The following SUPT3H variants were observed in gnomAD, a reference collection of about 807,000 sequenced individuals.
SUPT3H encodes SPT3 homolog, SAGA and STAGA complex component.
In SUPT3H, 44 loss-of-function variants were observed where a neutral mutation model predicts 44.3. The observed-to-expected ratio is 0.99, with a 90% confidence interval of 0.78 to 1.28. The LOEUF (loss-of-function observed/expected upper bound fraction) is 1.28, where lower values mean the gene tolerates loss of function less well. SUPT3H is among the 50% of genes most tolerant of loss of function. SUPT3H has a pLI of 0.00. For missense variants in SUPT3H, 380 were observed against 387.1 expected (o/e 0.98, Z 0.15); for synonymous variants, 124 against 125.6 (o/e 0.99, Z 0.09).
chr6:45,103,694 A>G (rs1798899431), intron 3 of SUPT3H, among the ~76,000 whole-genome samples: 1 of 152,164 alleles, frequency 6.6e-6, no homozygotes, highest in Admixed American at 6.5e-5. Context: ...CTTGTGAAAC[A>G]ATGTCAAATG....
rs1404505122 is a variant in SUPT3H at position 45,064,705 on chromosome 6, G to C, written c.186+41217C>G. On this transcript the variant is annotated intron_variant, in intron 3 of 10. Coordinates refer to ENST00000371459, the MANE Select transcript of SUPT3H (RefSeq NM_003599.4). The stretch of plus-strand genomic sequence containing the variant: ...CTTTAAACCAACAAAGATCAAAAGA[G>C]ACAAAGAAGGCCATTACATAATGGT... 2.2e-5 allele frequency among the ~76,000 whole-genome samples: 3 copies of C among 133,954 alleles called. No individual in the cohort carries two copies. In the Admixed American group the frequency reaches 2.3e-4, roughly 10 times the overall value. The allele number at this position is 133,954 out of a possible 152,430, so 87.9% of individuals were successfully genotyped here.
intron 10 of SUPT3H, among the ~76,000 whole-genome samples, chr6:44,883,743 C>A (rs928568198): frequency 2.0e-5 from 3 of 152,238 alleles, no homozygotes; most frequent in African/African-American, 7.2e-5. Context: ...TGATCTTTGG[C>A]AAACCTGACA....
chr6:44,827,363 A>T lies in SUPT3H; in HGVS notation c.*2453T>A, dbSNP rs1767879721. Among the ~76,000 whole-genome samples the T allele has an allele frequency of 6.6e-6, 1 of 152,142 alleles. No individual in the cohort carries two copies. Among genetic ancestry groups the T allele is most frequent in the South Asian group, 2.1e-4 (1 of 4,834 alleles). ...ATGCCATAAAACCCCAACATGTCTT[A>T]GTAATATTCTTATGCTAACCCAGTA... is the stretch of plus-strand genomic sequence containing the variant. On this transcript the variant is annotated 3_prime_UTR_variant, in exon 11 of 11. Transcript: ENST00000371459.
intron 2 of SUPT3H, among the ~76,000 whole-genome samples, chr6:45,205,119 CCT>C (rs889509641): frequency 5.3e-5 from 8 of 152,112 alleles, no homozygotes; most frequent in Non-Finnish European, 7.4e-5. Context: ...CTTTTGAAAT[CCT>C]CTTTCTATAA....
chr6:44,905,715 G>A (rs1303113469), intron 10 of SUPT3H, among the ~76,000 whole-genome samples: 4 of 152,162 alleles, frequency 2.6e-5, no homozygotes, highest in Non-Finnish European at 5.9e-5. Flanking sequence ...AAAGACACAT[G>A]CACATGTATG....
chr6:45,141,338 C>CAAAAAAAAAAAAAAA (rs1162738855), intron 2 of SUPT3H, among the ~76,000 whole-genome samples: 2 of 45,284 alleles, frequency 4.4e-5, no homozygotes, highest in African/African-American at 1.1e-4. Context: ...GACTCCATCT[C>CAAAAAAAAAAAAAAA]AAAAAAAAAA....
chr6:44,814,934 C>T (rs1056078174), intron 11 of SUPT3H, among the ~76,000 whole-genome samples: 2 of 152,098 alleles, frequency 1.3e-5, no homozygotes, highest in Non-Finnish European at 2.9e-5. Flanking sequence ...GCCTTGGCCT[C>T]CCAAAGTGCT....
At chr6:44,956,160 C>G (rs1582739632) in intron 7 of SUPT3H, among the ~76,000 whole-genome samples, 1 of 149,018 alleles carries the variant, frequency 6.7e-6, no homozygotes. Flanking sequence ...CCACCGGTTC[C>G]CCAAAAAACC....
rs564654415 is a variant in SUPT3H, at chr6:45,108,079, A to T, written c.102-2073T>A. 6.6e-5 allele frequency among the ~76,000 whole-genome samples: 10 copies of T among 152,372 alleles called. 1 individual carries two copies. The South Asian group carries it at 2.1e-3, about 32-fold the overall frequency. On this transcript the variant is annotated intron_variant, in intron 2 of 10. Coordinates refer to ENST00000371459, the MANE Select transcript of SUPT3H (RefSeq NM_003599.4). ...CTACTATCCAACTTAATGGTGAAAC[A>T]CTAAAAACTTTTCCCCTAAGATAAG...
chr6:44,908,883 T>C (rs1173891380), intron 10 of SUPT3H, among the ~76,000 whole-genome samples: 1 of 152,144 alleles, frequency 6.6e-6, no homozygotes, highest in African/African-American at 2.4e-5. Flanking sequence ...TTTTAATAAA[T>C]AGGTAATAGT....
intron 2 of SUPT3H, among the ~76,000 whole-genome samples, chr6:45,320,949 C>T (rs2150034162): frequency 6.6e-6 from 1 of 152,058 alleles, no homozygotes; most frequent in South Asian, 2.1e-4. Context: ...TGTAAATAAA[C>T]TTTTTAAGGC....
At chr6:45,208,278 T>G (rs1303537153) in intron 2 of SUPT3H, among the ~76,000 whole-genome samples, 11 of 152,184 alleles carry the variant, frequency 7.2e-5, no homozygotes, top group Admixed American at 7.2e-4. Context: ...GAAGAAAAGT[T>G]AGAAACTGGC....
chr6:44,924,450 G>A (rs1214598499), intron 10 of SUPT3H, among the ~76,000 whole-genome samples: 1 of 151,882 alleles, frequency 6.6e-6, no homozygotes, highest in Admixed American at 6.6e-5. Context: ...AATACCTCTT[G>A]GAATACTTGT....
intron 10 of SUPT3H, among the ~76,000 whole-genome samples, chr6:44,888,178 T>C (rs1449237376): frequency 3.9e-5 from 6 of 152,140 alleles, no homozygotes; most frequent in South Asian, 4.1e-4. Context: ...CCGAATTCTA[T>C]CAGAGGTACA....
chr6:45,253,223 A>G (rs554400965), intron 2 of SUPT3H, among the ~76,000 whole-genome samples: 1 of 152,350 alleles, frequency 6.6e-6, no homozygotes, highest in African/African-American at 2.4e-5. Flanking sequence ...ATTTCTTATA[A>G]CTCAGTAGGG....
intron 2 of SUPT3H, among the ~76,000 whole-genome samples, chr6:45,282,461 C>T (rs371985820): frequency 3.3e-5 from 5 of 151,960 alleles, no homozygotes; most frequent in South Asian, 2.1e-4. Context: ...GTAGCCGATT[C>T]GATCAACTGG....
chr6:45,249,871 C>T (rs1772066790), intron 2 of SUPT3H, among the ~76,000 whole-genome samples: 1 of 152,058 alleles, frequency 6.6e-6, no homozygotes, highest in Non-Finnish European at 1.5e-5. Context: ...AATCTACATA[C>T]CAATTTATGA....
chr6:44,911,497 CCTTTT>C (rs1767042886), intron 10 of SUPT3H, among the ~76,000 whole-genome samples: 1 of 152,106 alleles, frequency 6.6e-6, no homozygotes, highest in Non-Finnish European at 1.5e-5. Context: ...GGCATGTATA[CCTTTT>C]CTTTTGTCAG....
intron 2 of SUPT3H, among the ~76,000 whole-genome samples, chr6:45,132,438 C>T (rs1275284991): frequency 1.3e-5 from 2 of 152,126 alleles, no homozygotes; most frequent in Non-Finnish European, 2.9e-5. Flanking sequence ...ATTTCAACAG[C>T]CGTCCAACAA....
Sources: gnomAD v4.1 joint callset for allele counts (sites outside exome capture counted in the v4.1 genomes callset) on GRCh38, gnomAD v4.1.1 for gene constraint, MANE v1.5 for transcripts, NCBI Gene and HGNC (gene_info 2026-07-23, HGNC 2026-07-21) for gene names.